Variants in GFOD1 observed in about 807,000 individuals in gnomAD.
GFOD1 encodes the protein Gfo/Idh/MocA-like oxidoreductase domain containing 1.
A neutral mutation model predicts 25.4 loss-of-function variants in GFOD1; 9 were observed. That is an observed-to-expected ratio of 0.35 (90% CI 0.21 to 0.62). The LOEUF (loss-of-function observed/expected upper bound fraction) is 0.62, where lower values mean the gene tolerates loss of function less well. Among genes scored for constraint, GFOD1 ranks in the 20% least tolerant of loss-of-function variants. The pLI, the probability that GFOD1 is intolerant of heterozygous loss-of-function variation, is 0.72. For synonymous variants in GFOD1, 253 were observed against 245.6 expected (o/e 1.03, Z -0.28); for missense variants, 403 against 556.9 (o/e 0.72, Z 2.78).
chr6:13,394,456 T>C (rs1004962748), intron 1 of GFOD1, among the ~76,000 whole-genome samples: 4 of 144,784 alleles, frequency 2.8e-5, no homozygotes, highest in Admixed American at 1.4e-4. Context: ...TCTGCTTTTG[T>C]ACCCTTTGAA....
intron 1 of GFOD1, chr6:13,470,244 C>T (rs1758467504): frequency 6.3e-7 from 1 of 1,595,474 alleles, no homozygotes; most frequent in Non-Finnish European, 8.6e-7. Context: ...AGGGCAATTG[C>T]CGGCTCATGA....
At position 13,361,887 on chromosome 6, in the gene GFOD1, T is replaced by C. The variant is rs1472416906; in HGVS notation, c.*2856A>G. On this transcript the variant is annotated 3_prime_UTR_variant, in exon 2 of 2. Coordinates refer to ENST00000379287, the MANE Select transcript of GFOD1 (RefSeq NM_018988.4). ...GATTTTTTGTTTTAGACATTAAATA[T>C]GTATTACAGAGCTTAGAGGCCTTTG... is the stretch of plus-strand genomic sequence containing the variant. The C allele has an allele frequency of 1.3e-5, 2 of 152,198 alleles. No individual in the cohort carries two copies. Among genetic ancestry groups the C allele is most frequent in the African/African-American group, 2.4e-5 (1 of 41,436 alleles). The allele number at this position is 152,198 out of a possible 1,614,324, so 9.4% of individuals were successfully genotyped here.
chr6:13,486,193 C>T (rs1758861951), intron 1 of GFOD1: 1 of 993,706 alleles, frequency 1.0e-6, no homozygotes, highest in Non-Finnish European at 1.2e-6. Context: ...CGTTTCTGGG[C>T]GCGCACTCGC....
intron 1 of GFOD1, among the ~76,000 whole-genome samples, chr6:13,453,455 A>G (rs930485088): frequency 6.6e-6 from 1 of 152,260 alleles, no homozygotes; most frequent in Admixed American, 6.5e-5. Flanking sequence ...TCTTTTCAGT[A>G]TTCAAAACAC....
chr6:13,390,563 CAAAAAATT>C, intron 1 of GFOD1, among the ~76,000 whole-genome samples: 1 of 139,038 alleles, frequency 7.2e-6, no homozygotes, highest in Admixed American at 7.2e-5. Flanking sequence ...TCATCTCTAC[CAAAAAATT>C]AAAAAATTAG....
chr6:13,458,557 T>A (rs760895954), intron 1 of GFOD1, among the ~76,000 whole-genome samples: 4 of 151,914 alleles, frequency 2.6e-5, no homozygotes, highest in Non-Finnish European at 4.4e-5. Flanking sequence ...CCAGAGCCCT[T>A]CCTGTACTAT....
intron 1 of GFOD1, among the ~76,000 whole-genome samples, chr6:13,463,486 G>A (rs1758327625): frequency 6.6e-6 from 1 of 152,200 alleles, no homozygotes; most frequent in Admixed American, 6.5e-5. Context: ...TATTTTCATG[G>A]TCTTGGAAAC....
rs138437412 is a variant in GFOD1 at position 13,436,398 on chromosome 6, T to A, written c.253+50240A>T. Reference sequence around the variant, plus strand: ...TGTAAAAGTTTCTTATATATTCTCCTAGAATATCTATCTTTTAAACATAAT... The same window carrying A: ...TGTAAAAGTTTCTTATATATTCTCCAAGAATATCTATCTTTTAAACATAAT... On this transcript the variant is annotated intron_variant, in intron 1 of 1. Transcript: ENST00000379287. Among the ~76,000 whole-genome samples, 480 of 152,388 alleles carry A rather than the reference T, an allele frequency of 3.1e-3. 4 individuals carry two copies. The highest frequency in any genetic ancestry group is 0.014 in the Middle Eastern group (4 of 294).
chr6:13,409,447 A>G (rs1786031128), intron 1 of GFOD1, among the ~76,000 whole-genome samples: 1 of 152,208 alleles, frequency 6.6e-6, no homozygotes, highest in African/African-American at 2.4e-5. Flanking sequence ...AAATGCCTCC[A>G]AACCCACCAT....
At chr6:13,418,404 G>A (rs756915796) in intron 1 of GFOD1, among the ~76,000 whole-genome samples, 3 of 152,228 alleles carry the variant, frequency 2.0e-5, no homozygotes, top group South Asian at 2.1e-4. Flanking sequence ...AACTAGGTCC[G>A]TTTGCAGAAT....
intron 1 of GFOD1, among the ~76,000 whole-genome samples, chr6:13,463,718 G>A (rs1758331982): frequency 1.3e-5 from 2 of 152,026 alleles, no homozygotes; most frequent in Admixed American, 1.3e-4. Context: ...TAAACCTTAT[G>A]TTTATTTTTA....
chr6:13,470,532 G>A, intron 1 of GFOD1: 1 of 1,548,982 alleles, frequency 6.5e-7, no homozygotes, highest in Admixed American at 2.0e-5. Flanking sequence ...ATGTGGGGGT[G>A]CTGGAGGGAG....
At chr6:13,401,546 C>G (rs1785844927) in intron 1 of GFOD1, among the ~76,000 whole-genome samples, 1 of 151,922 alleles carries the variant, frequency 6.6e-6, no homozygotes, top group African/African-American at 2.4e-5. Flanking sequence ...GAAAAATGAA[C>G]AATCTGAATA....
At chr6:13,469,361 A>AT in intron 1 of GFOD1, 1 of 985,544 alleles carries the variant, frequency 1.0e-6, no homozygotes, top group Non-Finnish European at 1.2e-6. Context: ...ATGAAATAAC[A>AT]TTTTCTCAAT....
chr6:13,449,970 G>A (rs1356287033), intron 1 of GFOD1, among the ~76,000 whole-genome samples: 2 of 152,142 alleles, frequency 1.3e-5, no homozygotes, highest in Non-Finnish European at 2.9e-5. Context: ...TGGCTTTCCT[G>A]ACTTGGTTCT....
chr6:13,411,432 C>T (rs1205927435), intron 1 of GFOD1, among the ~76,000 whole-genome samples: 1 of 152,184 alleles, frequency 6.6e-6, no homozygotes, highest in Admixed American at 6.5e-5. Flanking sequence ...GCTGGGATTA[C>T]AGGTGCATGC....
At chr6:13,369,366 A>G (rs1039376546) in intron 1 of GFOD1, among the ~76,000 whole-genome samples, 10 of 152,228 alleles carry the variant, frequency 6.6e-5, no homozygotes, top group African/African-American at 2.2e-4. Flanking sequence ...GATAGTTTTG[A>G]CTGCATTATT....
In GFOD1 at chr6:13,365,771, G is replaced by A; in HGVS notation, c.254-109C>T. 1.1e-6 allele frequency: 1 copy of A among 890,428 alleles called. No individual in the cohort carries two copies. The highest frequency in any genetic ancestry group is 1.7e-6 in the Non-Finnish European group (1 of 590,644). The allele number at this position is 890,428 out of a possible 1,614,324, so 55.2% of individuals were successfully genotyped here. Reference sequence around the variant, plus strand: ...CATTAATAGAAAAAGAAGGTCAGATGTGGTGGCTCATGCCTGTTGTCCCAG... The same window carrying A: ...CATTAATAGAAAAAGAAGGTCAGATATGGTGGCTCATGCCTGTTGTCCCAG... On this transcript the variant is annotated intron_variant, in intron 1 of 1. Transcript: ENST00000379287. The surrounding 1 kb of genome is among the most constrained non-coding windows in gnomAD (Gnocchi z 9.2).
At chr6:13,486,068 C>T in intron 1 of GFOD1, 1 of 974,986 alleles carries the variant, frequency 1.0e-6, no homozygotes, top group South Asian at 4.7e-5. Flanking sequence ...TCACGCTAAA[C>T]TAACTCACAG....
Sources: gnomAD v4.1 joint callset for allele counts (sites outside exome capture counted in the v4.1 genomes callset) on GRCh38, gnomAD v4.1.1 for gene constraint, Gnocchi (gnomAD v3.1) non-coding constraint, MANE v1.5 for transcripts, NCBI Gene and HGNC (gene_info 2026-07-23, HGNC 2026-07-21) for gene names.